DLGAP1: variants seen among roughly 807,000 people sequenced by gnomAD.
DLGAP1 encodes disks large-associated protein 1.
Under a neutral mutation model 90.8 loss-of-function variants are expected in DLGAP1, and 11 were observed. The observed-to-expected ratio is 0.12, with a 90% CI of 0.08 to 0.20. The LOEUF (loss-of-function observed/expected upper bound fraction) is 0.20, where lower values mean the gene tolerates loss of function less well. Among genes scored for constraint, DLGAP1 ranks in the 10% least tolerant of loss-of-function variants. The pLI, the probability that DLGAP1 is intolerant of heterozygous loss-of-function variation, is 1.00. For missense variants in DLGAP1, 1,050 were observed against 1,333.8 expected (o/e 0.79, Z 3.31); for synonymous variants, 558 against 540.7 (o/e 1.03, Z -0.44).
intron 1 of DLGAP1, among the ~76,000 whole-genome samples, chr18:4,368,636 TACAC>T (rs55840615): frequency 0.14 from 19,131 of 134,804 alleles, 1,373 homozygotes; most frequent in Middle Eastern, 0.2. Flanking sequence ...CTCTCTCTCA[TACAC>T]ACACACACAC....
In DLGAP1 at chr18:3,898,015, C is replaced by T. The variant is rs112101587; in HGVS notation, c.-72-17875G>A. 5.8e-4 allele frequency among the ~76,000 whole-genome samples: 88 copies of T among 151,938 alleles called. 2 individuals are homozygous for T. The highest frequency in any genetic ancestry group is 4.2e-4 in the South Asian group (2 of 4,792). ...TTCACCTTGTTAGCCAGGATGGTCTCGATCTCCTGACCTCGTGATCCGCCC... is the reference window on the plus strand; with the variant it reads ...TTCACCTTGTTAGCCAGGATGGTCTTGATCTCCTGACCTCGTGATCCGCCC... On this transcript the variant is annotated intron_variant, in intron 3 of 12. Coordinates refer to ENST00000315677, the MANE Select transcript of DLGAP1 (RefSeq NM_004746.4).
intron 1 of DLGAP1, among the ~76,000 whole-genome samples, chr18:4,228,025 C>T (rs2078228001): frequency 6.6e-6 from 1 of 151,486 alleles, no homozygotes; most frequent in Admixed American, 6.6e-5. Context: ...AGACTTTCAA[C>T]CCAATACCAC....
At chr18:3,842,719 T>C (rs2068789282) in intron 4 of DLGAP1, among the ~76,000 whole-genome samples, 1 of 151,852 alleles carries the variant, frequency 6.6e-6, no homozygotes, top group Non-Finnish European at 1.5e-5. Flanking sequence ...GCATAGATAG[T>C]GGTGCCATTT....
intron 3 of DLGAP1, among the ~76,000 whole-genome samples, chr18:4,001,387 G>A (rs1704990825): frequency 6.6e-6 from 1 of 151,412 alleles, no homozygotes; most frequent in Admixed American, 6.6e-5. Context: ...TGTTTTGTTT[G>A]CAAATCTTTC....
intron 7 of DLGAP1, among the ~76,000 whole-genome samples, chr18:3,633,300 G>T (rs896740324): frequency 6.6e-6 from 1 of 152,034 alleles, no homozygotes; most frequent in Admixed American, 6.6e-5. Context: ...CTACTCTGGA[G>T]GCTGAGGCAG....
chr18:3,543,828 G>C (rs145214191), intron 9 of DLGAP1, among the ~76,000 whole-genome samples: 19 of 152,268 alleles, frequency 1.2e-4, no homozygotes, highest in Non-Finnish European at 2.4e-4. Flanking sequence ...GGGGTACGAG[G>C]AGGACAAGGC....
At chr18:3,987,540 G>A (rs955569961) in intron 3 of DLGAP1, among the ~76,000 whole-genome samples, 2 of 152,098 alleles carry the variant, frequency 1.3e-5, no homozygotes, top group African/African-American at 2.4e-5. Flanking sequence ...TTGCGTATTC[G>A]AACTCACTTC....
intron 5 of DLGAP1, among the ~76,000 whole-genome samples, chr18:3,784,804 TA>T (rs2065371774): frequency 2.6e-5 from 4 of 152,240 alleles, no homozygotes; most frequent in Admixed American, 2.6e-4. Flanking sequence ...GAATTGGTTC[TA>T]AAATTCAAGT....
At chr18:4,191,905 C>A (rs1227927053) in intron 1 of DLGAP1, among the ~76,000 whole-genome samples, 1 of 152,146 alleles carries the variant, frequency 6.6e-6, no homozygotes, top group Admixed American at 6.6e-5. Context: ...CAATGTATAT[C>A]TGTCCTCCAA....
In DLGAP1 at chr18:3,497,355, G is replaced by A. The variant is rs1223162777; in HGVS notation, c.*1830C>T. On this transcript the variant is annotated 3_prime_UTR_variant, in exon 13 of 13. Transcript: ENST00000315677. ...ACCCTAGTTAAAAGTTGGTTCGTTG[G>A]TTTCAAAATAAGTGAGTAGCCCTTT... The A allele has an allele frequency of 6.6e-6, 1 of 152,158 alleles. No individual in the cohort carries two copies. Among genetic ancestry groups the A allele is most frequent in the Non-Finnish European group, 1.5e-5 (1 of 68,024 alleles). The allele number at this position is 152,158 out of a possible 1,614,324, so 9.4% of individuals were successfully genotyped here. A position where few individuals can be genotyped will look rare whatever the true frequency, so the allele number is the denominator to read the frequency against.
chr18:4,168,996 A>G (rs1489621925), intron 1 of DLGAP1, among the ~76,000 whole-genome samples: 1 of 152,194 alleles, frequency 6.6e-6, no homozygotes, highest in Non-Finnish European at 1.5e-5. Context: ...TTGTGAATTA[A>G]TATTGCTATG....
intron 5 of DLGAP1, among the ~76,000 whole-genome samples, chr18:3,786,804 A>G (rs1239363250): frequency 6.6e-6 from 1 of 152,226 alleles, no homozygotes; most frequent in African/African-American, 2.4e-5. Flanking sequence ...TTTCAGCTCA[A>G]TAAATTTTTG....
rs2049785879 is a variant in DLGAP1 at position 3,498,980 on chromosome 18, A to G, written c.*205T>C. 7 of 560,200 alleles carry G rather than the reference A, an allele frequency of 1.2e-5. No homozygotes were observed. Among genetic ancestry groups the G allele is most frequent in the Non-Finnish European group, 3.1e-6 (1 of 320,988 alleles). The allele number at this position is 560,200 out of a possible 1,614,324, so 34.7% of individuals were successfully genotyped here. On this transcript the variant is annotated 3_prime_UTR_variant, in exon 13 of 13. Transcript: ENST00000315677. ...GGACAGGGGGCGAAGCTCGGTGAAG[A>G]AGGAGATGGGCAAACGGGTACGGGA...
intron 1 of DLGAP1, among the ~76,000 whole-genome samples, chr18:4,360,267 C>T (rs529069502): frequency 6.6e-6 from 1 of 151,976 alleles, no homozygotes; most frequent in South Asian, 2.1e-4. Flanking sequence ...TACTTGGGAG[C>T]AAATTAAAAT....
chr18:3,525,352 G>GA (rs887224029), intron 10 of DLGAP1, among the ~76,000 whole-genome samples: 14 of 152,160 alleles, frequency 9.2e-5, no homozygotes, highest in African/African-American at 2.2e-4. Flanking sequence ...TAATCTAAAT[G>GA]AAAAAAACTG....
chr18:3,522,602 G>A (rs900776542), intron 10 of DLGAP1, among the ~76,000 whole-genome samples: 3 of 147,060 alleles, frequency 2.0e-5, no homozygotes, highest in Non-Finnish European at 4.4e-5. Flanking sequence ...CAGTGAAGTG[G>A]CCCAATCTCG....
intron 3 of DLGAP1, among the ~76,000 whole-genome samples, chr18:3,903,321 A>C (rs995433731): frequency 5.3e-5 from 8 of 152,216 alleles, no homozygotes; most frequent in Non-Finnish European, 1.0e-4. Context: ...CAATTAGATC[A>C]CAGAAACCTA....
intron 3 of DLGAP1, among the ~76,000 whole-genome samples, chr18:3,987,593 A>G (rs936092236): frequency 6.6e-6 from 1 of 152,212 alleles, no homozygotes; most frequent in Non-Finnish European, 1.5e-5. Context: ...TTTAGTTATT[A>G]AAGTCTAAAA....
Position 3,517,137 on chromosome 18 carries a change from GCA to G in DLGAP1, c.2480-8478_2480-8477del, listed in dbSNP as rs2050891546. On this transcript the variant is annotated intron_variant, in intron 10 of 12. Transcript: ENST00000315677. The surrounding 1 kb of genome is among the most constrained non-coding windows in gnomAD (Gnocchi z 4.1). ...TACTTATAGAGCACACTTTATAAGA[GCA>G]CACAAATTTAGCATAATTTTTAAGG... Among the ~76,000 whole-genome samples, 1 of 152,130 alleles carries G rather than the reference GCA, an allele frequency of 6.6e-6. No homozygotes were observed.
Sources: allele counts gnomAD v4.1 joint callset (sites outside exome capture counted in the v4.1 genomes callset), GRCh38; gene constraint gnomAD v4.1.1; non-coding constraint Gnocchi (gnomAD v3.1); transcripts MANE v1.5; gene names NCBI Gene and HGNC (gene_info 2026-07-23, HGNC 2026-07-21).